The following NFIB variants were observed in gnomAD, a reference collection of about 807,000 sequenced individuals.
NFIB encodes nuclear factor 1 B-type.
In NFIB, 11 loss-of-function variants were observed where a neutral mutation model predicts 61.5. The observed-to-expected ratio is 0.18, with a 90% CI of 0.11 to 0.30. NFIB has a LOEUF of 0.30. Among genes scored for constraint, NFIB ranks in the 10% least tolerant of loss-of-function variants. NFIB has a pLI of 1.00. For missense variants in NFIB, 471 were observed against 608.9 expected, an observed-to-expected ratio of 0.77 and a Z score of 2.38; for synonymous variants, 260 against 216.5, an observed-to-expected ratio of 1.20 and a Z score of -1.76.
At chr9:14,121,338 A>G (rs1332273896) in intron 7 of NFIB, among the ~76,000 whole-genome samples, 2 of 152,206 alleles carry the variant, frequency 1.3e-5, no homozygotes, top group African/African-American at 2.4e-5. Flanking sequence ...ACTTTGTCTC[A>G]TAAGTCCAGA....
At chr9:14,390,263 ATTACT>A (rs984875061) in intron 1 of NFIB, among the ~76,000 whole-genome samples, 15 of 152,202 alleles carry the variant, frequency 9.9e-5, no homozygotes, top group African/African-American at 3.6e-4. Context: ...CCTTGGGCAG[ATTACT>A]TTACCATTCT....
At chr9:14,242,826 A>G (rs953422216) in intron 2 of NFIB, among the ~76,000 whole-genome samples, 2 of 152,228 alleles carry the variant, frequency 1.3e-5, no homozygotes, top group African/African-American at 4.8e-5. Context: ...TGGAGAGAAA[A>G]GAAAGTTTGG....
upstream of NFIB, chr9:14,399,030 T>C (rs2133050214): frequency 4.6e-6 from 1 of 218,252 alleles, no homozygotes; most frequent in South Asian, 1.8e-4. Flanking sequence ...GAAATGTGGC[T>C]TGCATGAATT....
At chr9:14,201,933 C>G (rs1250518530) in intron 2 of NFIB, among the ~76,000 whole-genome samples, 1 of 152,026 alleles carries the variant, frequency 6.6e-6, no homozygotes, top group African/African-American at 2.4e-5. Context: ...CTACAGTGGT[C>G]CATGTATCAT....
upstream of NFIB, among the ~76,000 whole-genome samples, chr9:14,316,341 G>C (rs2060539656): frequency 6.6e-6 from 1 of 152,242 alleles, no homozygotes; most frequent in Admixed American, 6.5e-5. Flanking sequence ...GAAGAAAGGC[G>C]CTGGGGGGTG....
chr9:14,366,201 G>C (rs755281199), intron 1 of NFIB, among the ~76,000 whole-genome samples: 3 of 152,160 alleles, frequency 2.0e-5, no homozygotes, highest in Non-Finnish European at 4.4e-5. Flanking sequence ...CATCGTCCCA[G>C]AATTGAGATC....
At chr9:14,474,390 T>A in the NFIB span, among the ~76,000 whole-genome samples, 1 of 152,140 alleles carries the variant, frequency 6.6e-6, no homozygotes, top group South Asian at 2.1e-4. Flanking sequence ...CAAAACCTAA[T>A]CACCCCCCAA....
At chr9:14,229,566 A>G (rs1335052282) in intron 2 of NFIB, among the ~76,000 whole-genome samples, 1 of 152,238 alleles carries the variant, frequency 6.6e-6, no homozygotes, top group Non-Finnish European at 1.5e-5. Context: ...GGCACATAAA[A>G]AAATCTTTAC....
the NFIB span, among the ~76,000 whole-genome samples, chr9:14,417,042 G>T: frequency 6.6e-6 from 1 of 151,316 alleles, no homozygotes; most frequent in Non-Finnish European, 1.5e-5. Context: ...ACATGTGTGT[G>T]TCACCACACC....
the NFIB span, among the ~76,000 whole-genome samples, chr9:14,409,842 A>G: frequency 2.0e-5 from 3 of 152,210 alleles, no homozygotes; most frequent in Admixed American, 6.5e-5. Flanking sequence ...ATTATAAACA[A>G]TTAAAAGAAC....
At chr9:14,424,651 T>G in the NFIB span, among the ~76,000 whole-genome samples, 7,342 of 152,236 alleles carry the variant, frequency 0.048, 375 homozygotes, top group African/African-American at 0.13. Context: ...CAGTTATTGT[T>G]CACTGCCTGC....
At chr9:14,187,257 GTTTT>G (rs926236379) in intron 2 of NFIB, among the ~76,000 whole-genome samples, 8 of 151,902 alleles carry the variant, frequency 5.3e-5, no homozygotes, top group African/African-American at 1.9e-4. Flanking sequence ...TTGTTTGTTT[GTTTT>G]TTTAGTGAAT....
At chr9:14,341,593 C>T (rs897168516) in intron 1 of NFIB, among the ~76,000 whole-genome samples, 7 of 151,972 alleles carry the variant, frequency 4.6e-5, no homozygotes, top group South Asian at 2.1e-4. Flanking sequence ...GCCAAGGCTC[C>T]GATAAAACAG....
intron 10 of NFIB, chr9:14,102,400 T>C (rs1415585604): frequency 6.5e-7 from 1 of 1,537,142 alleles, no homozygotes; most frequent in Non-Finnish European, 8.8e-7. Context: ...AAGTGTAGGG[T>C]TGGAAATAAT....
At chr9:14,203,209 T>C (rs867230537) in intron 2 of NFIB, among the ~76,000 whole-genome samples, 8 of 152,076 alleles carry the variant, frequency 5.3e-5, no homozygotes, top group Non-Finnish European at 1.2e-4. Context: ...GCCAGGCCCA[T>C]GGCATCTTTT....
intron 2 of NFIB, among the ~76,000 whole-genome samples, chr9:14,293,391 T>C (rs1015550584): frequency 1.3e-5 from 2 of 152,294 alleles, no homozygotes; most frequent in Middle Eastern, 6.8e-3. Flanking sequence ...CAACACTTCA[T>C]CCTTCATGAA....
At chr9:14,293,072 C>A (rs188136636) in intron 2 of NFIB, among the ~76,000 whole-genome samples, 1 of 152,180 alleles carries the variant, frequency 6.6e-6, no homozygotes. Context: ...TGTAGATTAA[C>A]CATGAAATTC....
intron 2 of NFIB, among the ~76,000 whole-genome samples, chr9:14,272,551 G>C (rs534608587): frequency 4.3e-4 from 66 of 151,734 alleles, no homozygotes; most frequent in African/African-American, 1.3e-3. Context: ...TTCTTTTCTA[G>C]CATTTGTGCT....
chr9:14,315,629 C>G (rs1217249116), upstream of NFIB, among the ~76,000 whole-genome samples: 1 of 148,288 alleles, frequency 6.7e-6, no homozygotes, highest in Admixed American at 6.7e-5. Flanking sequence ...CGGCTCCCCA[C>G]CGCGGCGCTG....
Sources: gnomAD v4.1 joint callset for allele counts (sites outside exome capture counted in the v4.1 genomes callset) on GRCh38, gnomAD v4.1.1 for gene constraint, MANE v1.5 for transcripts, NCBI Gene and HGNC (gene_info 2026-07-23, HGNC 2026-07-21) for gene names.